FRMD5: variants seen among roughly 807,000 people sequenced by gnomAD.
FRMD5 encodes FERM domain-containing protein 5.
In FRMD5, 20 loss-of-function variants were observed where a neutral mutation model predicts 69.0. The ratio of observed to expected loss-of-function variants is 0.29; its 90% CI spans 0.20 to 0.42. The LOEUF is 0.42. Among genes scored for constraint, FRMD5 ranks in the 10% least tolerant of loss-of-function variants. The probability of loss-of-function intolerance (pLI) is 1.00; values close to 1 mark genes in which losing one functional copy is unlikely to be tolerated. For synonymous variants in FRMD5, 271 were observed against 260.1 expected, an observed-to-expected ratio of 1.04 and a Z score of -0.40; for missense variants, 595 against 708.6, an observed-to-expected ratio of 0.84 and a Z score of 1.82.
intron 1 of FRMD5, among the ~76,000 whole-genome samples, chr15:44,161,223 A>G (rs1244454707): frequency 6.6e-6 from 1 of 152,080 alleles, no homozygotes; most frequent in Non-Finnish European, 1.5e-5. Context: ...TCTATTCCCA[A>G]CCAACTCCTA....
intron 1 of FRMD5, among the ~76,000 whole-genome samples, chr15:44,092,466 A>ATT (rs2076486844): frequency 6.6e-6 from 1 of 152,168 alleles, no homozygotes; most frequent in Non-Finnish European, 1.5e-5. Flanking sequence ...CTAGACTCTA[A>ATT]AGAGTCAGAG....
At chr15:44,003,914 T>C (rs1439453619) in intron 1 of FRMD5, among the ~76,000 whole-genome samples, 1 of 152,196 alleles carries the variant, frequency 6.6e-6, no homozygotes, top group Non-Finnish European at 1.5e-5. Context: ...TTGTCTCTTT[T>C]GTTCACTGAA....
At chr15:44,020,668 A>G (rs899695697) in intron 1 of FRMD5, among the ~76,000 whole-genome samples, 5 of 152,256 alleles carry the variant, frequency 3.3e-5, no homozygotes, top group Non-Finnish European at 7.3e-5. Context: ...TACTGGAAGA[A>G]TATTTCTCAA....
At chr15:43,974,338 A>T (rs888890911) in intron 1 of FRMD5, among the ~76,000 whole-genome samples, 1 of 152,180 alleles carries the variant, frequency 6.6e-6, no homozygotes. Context: ...CTGAATGCCA[A>T]TATCTTTTAG....
chr15:44,072,795 A>G (rs1893597339), intron 1 of FRMD5, among the ~76,000 whole-genome samples: 1 of 152,184 alleles, frequency 6.6e-6, no homozygotes, highest in Admixed American at 6.5e-5. Flanking sequence ...AAAAAAAAAC[A>G]AACTGTGTTT....
At chr15:44,101,853 G>C (rs1267982445) in intron 1 of FRMD5, among the ~76,000 whole-genome samples, 1 of 152,212 alleles carries the variant, frequency 6.6e-6, no homozygotes, top group African/African-American at 2.4e-5. Flanking sequence ...CAAAAACACA[G>C]ATTCCTGGGC....
At position 44,162,263 on chromosome 15, in the gene FRMD5, CTT is replaced by C. The variant is rs11357741; in HGVS notation, c.102+32688_102+32689del. Among the ~76,000 whole-genome samples the C allele has an allele frequency of 5.9e-3, 736 of 125,006 alleles. 3 individuals carry two copies. Among genetic ancestry groups the C allele is most frequent in the Middle Eastern group, 0.015 (4 of 262 alleles). 82.0% of individuals were successfully genotyped at this position (125,006 alleles called of 152,430 possible). A position where few individuals can be genotyped will look rare whatever the true frequency, so the allele number is the denominator to read the frequency against. ...ACAGGTGTGAGCCACCGTGCCAGGC[CTT>C]TTTTTTTTTTTTTTTTAAGACAGAT... On this transcript the variant is annotated intron_variant, in intron 1 of 13. Coordinates refer to ENST00000417257, the MANE Select transcript of FRMD5 (RefSeq NM_032892.5).
chr15:43,949,493 C>G (rs2089994530), intron 1 of FRMD5, among the ~76,000 whole-genome samples: 1 of 152,214 alleles, frequency 6.6e-6, no homozygotes, highest in Non-Finnish European at 1.5e-5. Flanking sequence ...TGGAGTCTTG[C>G]TGATAGATGC....
intron 1 of FRMD5, among the ~76,000 whole-genome samples, chr15:44,169,512 A>G (rs539199557): frequency 6.6e-6 from 1 of 152,298 alleles, no homozygotes; most frequent in South Asian, 2.1e-4. Flanking sequence ...AACAGGCAGA[A>G]AGCTTATGAG....
intron 7 of FRMD5, among the ~76,000 whole-genome samples, chr15:43,899,013 T>C (rs756051225): frequency 6.6e-6 from 1 of 152,180 alleles, no homozygotes; most frequent in Non-Finnish European, 1.5e-5. Flanking sequence ...AGAGCGTTGT[T>C]CTGCTCTCAT....
At chr15:44,188,602 G>A (rs1032696804) in intron 1 of FRMD5, among the ~76,000 whole-genome samples, 3 of 152,156 alleles carry the variant, frequency 2.0e-5, no homozygotes, top group African/African-American at 4.8e-5. Flanking sequence ...GTACCCAGGT[G>A]ATATGGATAA....
chr15:44,116,243 G>C (rs28615094), intron 1 of FRMD5, among the ~76,000 whole-genome samples: 1 of 149,810 alleles, frequency 6.7e-6, no homozygotes, highest in African/African-American at 2.5e-5. Context: ...AGAGAGAGAG[G>C]GAGAGTTTTG....
intron 1 of FRMD5, among the ~76,000 whole-genome samples, chr15:44,043,959 A>G (rs1197319303): frequency 6.6e-6 from 1 of 152,200 alleles, no homozygotes; most frequent in East Asian, 1.9e-4. Context: ...GCTGCACAAC[A>G]AAAGAAACTA....
intron 1 of FRMD5, among the ~76,000 whole-genome samples, chr15:44,106,883 A>C (rs2076727515): frequency 6.6e-6 from 1 of 152,216 alleles, no homozygotes; most frequent in Non-Finnish European, 1.5e-5. Context: ...ACCCCTTTAC[A>C]CTGCTAAAAA....
chr15:44,078,490 G>A (rs565290630), intron 1 of FRMD5, among the ~76,000 whole-genome samples: 2 of 152,132 alleles, frequency 1.3e-5, no homozygotes, highest in African/African-American at 4.8e-5. Flanking sequence ...TAAAAGAAAA[G>A]CAAATTGATG....
At chr15:44,049,081 C>T (rs1455702076) in intron 1 of FRMD5, among the ~76,000 whole-genome samples, 1 of 152,158 alleles carries the variant, frequency 6.6e-6, no homozygotes, top group Non-Finnish European at 1.5e-5. Flanking sequence ...GCATGTGCTA[C>T]CAGCCATGTC....
At chr15:44,087,990 T>C (rs1261979197) in intron 1 of FRMD5, among the ~76,000 whole-genome samples, 2 of 152,188 alleles carry the variant, frequency 1.3e-5, no homozygotes, top group African/African-American at 4.8e-5. Flanking sequence ...CTGGACTTAC[T>C]CAAGGAGTCA....
At chr15:44,195,284 C>A (rs1054585884), upstream of FRMD5, 1 of 502,288 alleles carries the variant, frequency 2.0e-6, no homozygotes, top group Non-Finnish European at 3.5e-6. Flanking sequence ...CTCCTCGGCG[C>A]CCCAGTGCCC....
chr15:44,008,515 C>T (rs1490413067), intron 1 of FRMD5, among the ~76,000 whole-genome samples: 1 of 152,000 alleles, frequency 6.6e-6, no homozygotes, highest in Non-Finnish European at 1.5e-5. Context: ...ATCTGCCTGC[C>T]TCAGCATCTC....
Sources: allele counts gnomAD v4.1 joint callset (sites outside exome capture counted in the v4.1 genomes callset), GRCh38; gene constraint gnomAD v4.1.1; transcripts MANE v1.5; gene names NCBI Gene and HGNC (gene_info 2026-07-23, HGNC 2026-07-21).